RREB1: variants seen among roughly 807,000 people sequenced by gnomAD.
RREB1 encodes ras-responsive element-binding protein 1.
Under a neutral mutation model 117.8 loss-of-function variants are expected in RREB1, and 27 were observed. The ratio of observed to expected loss-of-function variants is 0.23; its 90% CI spans 0.17 to 0.32. The LOEUF (loss-of-function observed/expected upper bound fraction) is 0.32. RREB1 is among the 10% of genes least tolerant of loss of function. The pLI is 1.00. For synonymous variants in RREB1, 1,298 were observed against 1,026.7 expected, an observed-to-expected ratio of 1.26 and a Z score of -5.05; for missense variants, 2,577 against 2,378.2, an observed-to-expected ratio of 1.08 and a Z score of -1.74.
chr6:7,231,768 G>A lies in RREB1; in HGVS notation c.3669G>A (p.Gln1223=), dbSNP rs769528439. ...ADHHGPSDEE[Q]GSPPEDKLLR... ...ACCATGGGCCCAGTGATGAAGAGCAGGGCAGTCCCCCAGAAGACAAGCTGC... is the reference window on the plus strand; with the variant it reads ...ACCATGGGCCCAGTGATGAAGAGCAAGGCAGTCCCCCAGAAGACAAGCTGC... The change falls in exon 10 of 13, where the codon CAG becomes CAA. Residue 1223 remains glutamine, a synonymous_variant. Transcript: ENST00000379938. 21 of 1,613,866 alleles carry A rather than the reference G, an allele frequency of 1.3e-5. No homozygotes were observed. In the South Asian group the frequency reaches 1.9e-4, roughly 14 times the overall value.
intron 11 of RREB1, among the ~76,000 whole-genome samples, chr6:7,245,023 G>C (rs746424673): frequency 1.3e-5 from 2 of 152,200 alleles, no homozygotes; most frequent in African/African-American, 2.4e-5. Flanking sequence ...TATTGAGGGA[G>C]GGGCATCTCG....
At chr6:7,128,521 A>T (rs1451603691) in intron 1 of RREB1, among the ~76,000 whole-genome samples, 1 of 152,174 alleles carries the variant, frequency 6.6e-6, no homozygotes, top group East Asian at 1.9e-4. Context: ...CTTTTTAAAG[A>T]CAGGAAACTG....
intron 1 of RREB1, among the ~76,000 whole-genome samples, chr6:7,170,695 CATT>C (rs1195515886): frequency 6.6e-6 from 1 of 152,196 alleles, no homozygotes; most frequent in Admixed American, 6.5e-5. Context: ...CCCTGTCCCT[CATT>C]TATTATTATT....
chr6:7,157,089 T>G (rs898385715), intron 1 of RREB1, among the ~76,000 whole-genome samples: 4 of 152,172 alleles, frequency 2.6e-5, no homozygotes, highest in African/African-American at 9.7e-5. Flanking sequence ...TTCTTCTTAC[T>G]CATAGTATAA....
chr6:7,141,138 C>A (rs987508355), intron 1 of RREB1, among the ~76,000 whole-genome samples: 3 of 152,190 alleles, frequency 2.0e-5, no homozygotes, highest in African/African-American at 7.2e-5. Flanking sequence ...CCCCCTCGGG[C>A]CGCCCCCAGG....
chr6:7,147,045 G>A, intron 1 of RREB1, among the ~76,000 whole-genome samples: 1 of 152,194 alleles, frequency 6.6e-6, no homozygotes, highest in South Asian at 2.1e-4. Flanking sequence ...AACTTTGAGA[G>A]GGTGAGCTCT....
At position 7,169,498 on chromosome 6, in the gene RREB1, G is replaced by A. The variant is rs570596492; in HGVS notation, c.-284-7157G>A. On this transcript the variant is annotated intron_variant, in intron 1 of 12. Coordinates refer to ENST00000379938, the MANE Select transcript of RREB1 (RefSeq NM_001003699.4). Reference sequence around the variant, plus strand: ...TGTTTAGGAAAAGTCTGGCTTTTTTGGGGAAAGGGCCAGGGACTCAACTCT... The same window carrying A: ...TGTTTAGGAAAAGTCTGGCTTTTTTAGGGAAAGGGCCAGGGACTCAACTCT... Among the ~76,000 whole-genome samples, 61 of 152,310 alleles carry A rather than the reference G, an allele frequency of 4.0e-4. No individual in the cohort carries two copies. In the South Asian group the frequency reaches 7.9e-3, roughly 20 times the overall value.
chr6:7,113,903 A>G (rs1281442874), intron 1 of RREB1, among the ~76,000 whole-genome samples: 1 of 152,232 alleles, frequency 6.6e-6, no homozygotes, highest in Non-Finnish European at 1.5e-5. Context: ...AGGATAAAGT[A>G]GATGTTCCAG....
intron 6 of RREB1, among the ~76,000 whole-genome samples, chr6:7,195,459 G>A (rs1765619896): frequency 1.3e-5 from 2 of 152,178 alleles, no homozygotes; most frequent in Non-Finnish European, 2.9e-5. Context: ...CTCTAGTAGT[G>A]AGCTGTGATC....
chr6:7,231,338 C>A lies in RREB1; in HGVS notation c.3239C>A (p.Thr1080Asn). 6.2e-7 allele frequency: 1 copy of A among 1,611,890 alleles called. No homozygotes were observed. The highest frequency in any genetic ancestry group is 8.5e-7 in the Non-Finnish European group (1 of 1,178,828). ...QIISSVSSAPTLLKTKVADPG... is the reference protein window; with the variant it reads ...QIISSVSSAPNLLKTKVADPG... ...ATCTCATCTGTATCCTCGGCCCCCA[C>A]CCTGCTGAAAACCAAGGTGGCGGAC... Residue 1080 changes from threonine (T) to asparagine (N), a missense_variant, in exon 10 of 13, where the codon ACC becomes AAC. Thr to Asn is a moderately conservative substitution (Grantham distance 65, BLOSUM62 0). Coordinates refer to ENST00000379938, the MANE Select transcript of RREB1 (RefSeq NM_001003699.4).
At chr6:7,133,337 A>G (rs866792856) in intron 1 of RREB1, among the ~76,000 whole-genome samples, 41 of 152,178 alleles carry the variant, frequency 2.7e-4, no homozygotes, top group African/African-American at 9.9e-4. Context: ...AATTATTCCT[A>G]CTATGATGTT....
chr6:7,111,841 C>G (rs1204915004), intron 1 of RREB1, among the ~76,000 whole-genome samples: 1 of 152,144 alleles, frequency 6.6e-6, no homozygotes, highest in African/African-American at 2.4e-5. Context: ...ATAGTACCCT[C>G]TTATTTCTAG....
chr6:7,116,294 G>T (rs1000429300), intron 1 of RREB1, among the ~76,000 whole-genome samples: 4 of 152,004 alleles, frequency 2.6e-5, no homozygotes, highest in Non-Finnish European at 4.4e-5. Context: ...CTGTTGCCTG[G>T]ATTGTTCATT....
intron 10 of RREB1, among the ~76,000 whole-genome samples, chr6:7,233,344 A>G (rs935052823): frequency 1.3e-5 from 2 of 152,208 alleles, no homozygotes; most frequent in African/African-American, 4.8e-5. Context: ...TAATTTTCTA[A>G]ATTTTCTCAG....
At chr6:7,111,280 C>T (rs1261328224) in intron 1 of RREB1, among the ~76,000 whole-genome samples, 1 of 152,182 alleles carries the variant, frequency 6.6e-6, no homozygotes, top group African/African-American at 2.4e-5. Context: ...TCTTTGCTTG[C>T]TATCTTATGC....
intron 1 of RREB1, among the ~76,000 whole-genome samples, chr6:7,172,090 A>AG (rs1764242050): frequency 6.6e-6 from 1 of 151,764 alleles, no homozygotes; most frequent in African/African-American, 2.4e-5. Flanking sequence ...GGACTGCAGG[A>AG]GGGTGCTACC....
At chr6:7,241,115 G>A (rs1768680657) in intron 11 of RREB1, among the ~76,000 whole-genome samples, 2 of 152,084 alleles carry the variant, frequency 1.3e-5, no homozygotes. Context: ...GACTGTCCTT[G>A]TTTGAAAAAG....
rs887815039 is a variant in RREB1, at chr6:7,251,769, T to C, written c.*2801T>C. 2.6e-5 allele frequency: 4 copies of C among 152,196 alleles called. No homozygotes were observed. The highest frequency in any genetic ancestry group is 2.6e-4 in the Admixed American group (4 of 15,280). The allele number at this position is 152,196 out of a possible 1,614,324, so 9.4% of individuals were successfully genotyped here. ...AGGAAACAATAATAAATTTGTAGAA[T>C]TCATATTTTTCTAAAGGGAACTTAA... On this transcript the variant is annotated 3_prime_UTR_variant, in exon 13 of 13. Coordinates refer to ENST00000379938, the MANE Select transcript of RREB1 (RefSeq NM_001003699.4).
rs1299240158 is a variant in RREB1 at position 7,189,294 on chromosome 6, T to A, written c.397T>A (p.Ser133Thr). The A allele has an allele frequency of 6.3e-7, 1 of 1,598,008 alleles. No homozygotes were observed. Among genetic ancestry groups the A allele is most frequent in the Non-Finnish European group, 8.5e-7 (1 of 1,171,614 alleles). Residue 133 changes from serine to threonine, a missense_variant, in exon 6 of 13, where the codon TCA becomes ACA. Physicochemically the swap from Ser to Thr is moderately conservative, Grantham distance 58. Transcript: ENST00000379938. ...TTACAAGTGCACTGTGTGTGGCCAGTCATTTACCACCAATGGGAACATGCA... is the reference window on the plus strand; with the variant it reads ...TTACAAGTGCACTGTGTGTGGCCAGACATTTACCACCAATGGGAACATGCA... ...RPYKCTVCGQ[S>T]FTTNGNMHRH... is the part of the protein sequence containing the mutation.
Sources: gnomAD v4.1 joint callset for allele counts (sites outside exome capture counted in the v4.1 genomes callset) on GRCh38, gnomAD v4.1.1 for gene constraint, MANE v1.5 for transcripts, NCBI Gene and HGNC (gene_info 2026-07-23, HGNC 2026-07-21) for gene names.